Variants in SYDE2 observed in about 807,000 individuals in gnomAD.
The protein encoded by SYDE2 is synapse defective Rho GTPase homolog 2.
SYDE2 carries 76 observed loss-of-function variants against 91.5 expected under a neutral mutation model. That is an observed-to-expected ratio of 0.83 (90% CI 0.69 to 1.01). The LOEUF (loss-of-function observed/expected upper bound fraction) is 1.01, where lower values mean the gene tolerates loss of function less well. SYDE2 is among the 50% of genes least tolerant of loss of function. The probability of loss-of-function intolerance (pLI) is 0.00; values close to 1 mark genes in which losing one functional copy is unlikely to be tolerated. For missense variants in SYDE2, 1,364 were observed against 1,367.7 expected, an observed-to-expected ratio of 1.00 and a Z score of 0.04; for synonymous variants, 513 against 506.4, an observed-to-expected ratio of 1.01 and a Z score of -0.18.
chr1:85,172,010 TA>T (rs1453327397), intron 4 of SYDE2, among the ~76,000 whole-genome samples: 6 of 151,950 alleles, frequency 3.9e-5, no homozygotes, highest in African/African-American at 9.7e-5. Context: ...AAGGAGATAG[TA>T]AAAAAGGTTT....
chr1:85,165,090 C>T (rs573703362), intron 5 of SYDE2, among the ~76,000 whole-genome samples: 14 of 152,102 alleles, frequency 9.2e-5, no homozygotes, highest in South Asian at 6.2e-4. Context: ...AAAAATTAGC[C>T]GGGCATGATG....
In SYDE2 at chr1:85,190,467, T is replaced by A; in HGVS notation, c.1031A>T (p.Asn344Ile). 2 of 1,614,028 alleles carry A rather than the reference T, an allele frequency of 1.2e-6. No individual in the cohort carries two copies. Among genetic ancestry groups the A allele is most frequent in the Non-Finnish European group, 1.7e-6 (2 of 1,179,886 alleles). ...TTTCGATAATGAAGAGTTTGTAGCG[T>A]TACATACCACATATGTACAGTACTC... ...SKEYCTYVVC[N>I]ATNSSLSKNC... The change falls in exon 2 of 7, where the codon AAC becomes ATC. Residue 344 changes from asparagine (N) to isoleucine (I), a missense_variant. Physicochemically the swap from Asn to Ile is moderately radical, Grantham distance 149. Transcript: ENST00000341460.
intron 4 of SYDE2, among the ~76,000 whole-genome samples, chr1:85,172,934 G>A (rs61136219): frequency 0.22 from 32,715 of 152,086 alleles, 3,770 homozygotes; most frequent in South Asian, 0.25. Flanking sequence ...ACAGATTAGA[G>A]AGAACAATTC....
At chr1:85,172,472 C>T (rs1441615239) in intron 4 of SYDE2, among the ~76,000 whole-genome samples, 2 of 151,844 alleles carry the variant, frequency 1.3e-5, no homozygotes, top group African/African-American at 4.8e-5. Flanking sequence ...CAATCAGTAA[C>T]CCAGATACAG....
intron 3 of SYDE2, chr1:85,181,814 T>C: frequency 3.8e-6 from 1 of 260,330 alleles, no homozygotes; most frequent in Non-Finnish European, 7.3e-6. Context: ...GCTCTGACTT[T>C]TCCTTTTAAT....
intron 5 of SYDE2, among the ~76,000 whole-genome samples, chr1:85,167,394 A>G (rs1194371747): frequency 6.6e-6 from 1 of 152,248 alleles, no homozygotes; most frequent in African/African-American, 2.4e-5. Context: ...ATCTAAATAT[A>G]CAAAAGGGAA....
chr1:85,182,998 T>C lies in SYDE2; in HGVS notation c.1644A>G (p.Thr548=), dbSNP rs539799172. 2 of 1,613,100 alleles carry C rather than the reference T, an allele frequency of 1.2e-6. No individual in the cohort carries two copies. The highest frequency in any genetic ancestry group is 1.7e-5 in the Admixed American group (1 of 59,908). Reference sequence around the variant, plus strand: ...TATCTGGACTGTTTATATAATTCAATGTTCCCTTAACGCTTAGCTTTCGGC... The same window carrying C: ...TATCTGGACTGTTTATATAATTCAACGTTCCCTTAACGCTTAGCTTTCGGC... The part of the protein sequence containing the change: ...EFSRKLSVKG[T]LNYINSPDNT... Residue 548 remains threonine (T), a synonymous_variant, in exon 3 of 7, where the codon ACA becomes ACG. Coordinates refer to ENST00000341460, the MANE Select transcript of SYDE2 (RefSeq NM_032184.2).
intron 5 of SYDE2, among the ~76,000 whole-genome samples, chr1:85,165,438 A>G (rs1458878138): frequency 6.6e-6 from 1 of 152,204 alleles, no homozygotes; most frequent in East Asian, 1.9e-4. Flanking sequence ...TTAAGTACAG[A>G]TAAGTCCTGT....
In SYDE2 at chr1:85,196,782, A is replaced by C. The variant is rs142954628; in HGVS notation, c.745+3470T>G. 2.8e-4 allele frequency among the ~76,000 whole-genome samples: 42 copies of C among 152,338 alleles called. No homozygotes were observed. The East Asian group carries it at 7.7e-3, about 28-fold the overall frequency. On this transcript the variant is annotated intron_variant, in intron 1 of 6. Coordinates refer to ENST00000341460, the MANE Select transcript of SYDE2 (RefSeq NM_032184.2). ...ATTCATAAAGATTATGCAATTCATA[A>C]AGATAAAAAATCAGAGTTACAAATA...
At chr1:85,192,838 G>C (rs762531858) in intron 1 of SYDE2, among the ~76,000 whole-genome samples, 2 of 152,092 alleles carry the variant, frequency 1.3e-5, no homozygotes, top group Non-Finnish European at 2.9e-5. Context: ...CAAACCACAC[G>C]ATGCTACCCA....
chr1:85,191,812 T>G (rs1570273700), intron 1 of SYDE2, among the ~76,000 whole-genome samples: 1 of 151,568 alleles, frequency 6.6e-6, no homozygotes, highest in Non-Finnish European at 1.5e-5. Context: ...TGCTTAGATA[T>G]ATGCACATCT....
Position 85,200,808 on chromosome 1 carries a change from C to G in SYDE2, c.189G>C (p.Arg63=), listed in dbSNP as rs976350576. The change falls in exon 1 of 7, where the codon CGG becomes CGC. Residue 63 remains arginine (R), a synonymous_variant. Coordinates refer to ENST00000341460, the MANE Select transcript of SYDE2 (RefSeq NM_032184.2). ...CTCCCCGCGGCTCCCTCTGAGGCGACCGGGGCGGGGACACCTGCTGCCGAG... is the reference window on the plus strand; with the variant it reads ...CTCCCCGCGGCTCCCTCTGAGGCGAGCGGGGCGGGGACACCTGCTGCCGAG... The part of the protein sequence containing the change: ...GRPRQQVSPP[R]SPQREPRGGQ... 2.1e-6 allele frequency: 3 copies of G among 1,462,304 alleles called. No individual in the cohort carries two copies. The highest frequency in any genetic ancestry group is 1.8e-6 in the Non-Finnish European group (2 of 1,114,986). The allele number at this position is 1,462,304 out of a possible 1,614,324, so 90.6% of individuals were successfully genotyped here.
chr1:85,155,009 C>CAAAAAAAAAA, downstream of SYDE2, among the ~76,000 whole-genome samples: 5 of 80,654 alleles, frequency 6.2e-5, no homozygotes, highest in East Asian at 3.2e-4. Context: ...AAGAATGCAG[C>CAAAAAAAAAA]AAAAAAAAAA....
At chr1:85,179,932 T>C (rs564703111) in intron 3 of SYDE2, among the ~76,000 whole-genome samples, 13 of 144,936 alleles carry the variant, frequency 9.0e-5, no homozygotes, top group Non-Finnish European at 1.6e-4. Context: ...ATCACAAATA[T>C]AATTTTTTAA....
chr1:85,175,488 A>C (rs1657663118), intron 4 of SYDE2, among the ~76,000 whole-genome samples: 1 of 152,214 alleles, frequency 6.6e-6, no homozygotes, highest in Admixed American at 6.5e-5. Flanking sequence ...TTTCTCAAAA[A>C]GCAAACAAAC....
Position 85,200,924 on chromosome 1 carries a change from C to A in SYDE2, c.73G>T (p.Gly25Ter). ...GGCGGCTGGCCCGGAGCCCGGGCTCCCGCGGGGAAGCTGTGATCCGCCAAG... is the reference window on the plus strand; with the variant it reads ...GGCGGCTGGCCCGGAGCCCGGGCTCACGCGGGGAAGCTGTGATCCGCCAAG... ...RGLADHSFPA[G>*]ARAPGQPPSR... Residue 25 changes from glycine to a stop codon, truncating the protein, a stop_gained, in exon 1 of 7, where the codon GGA (glycine) becomes TGA (stop). Coordinates refer to ENST00000341460, the MANE Select transcript of SYDE2 (RefSeq NM_032184.2). LOFTEE classifies it high-confidence loss of function. 7.6e-7 allele frequency: 1 copy of A among 1,320,970 alleles called. No individual in the cohort carries two copies. Among genetic ancestry groups the A allele is most frequent in the Non-Finnish European group, 9.6e-7 (1 of 1,044,768 alleles). The allele number at this position is 1,320,970 out of a possible 1,614,324, so 81.8% of individuals were successfully genotyped here.
intron 6 of SYDE2, among the ~76,000 whole-genome samples, chr1:85,163,480 T>TATATA (rs1216698478): frequency 2.2e-5 from 3 of 134,650 alleles, no homozygotes; most frequent in African/African-American, 8.9e-5. Context: ...TATATATATA[T>TATATA]AACAAAAGAG....
In SYDE2 at chr1:85,158,815, T is replaced by C. The variant is rs1306784926; in HGVS notation, c.3520A>G (p.Ile1174Val). 4 of 772,416 alleles carry C rather than the reference T, an allele frequency of 5.2e-6. No individual in the cohort carries two copies. Among genetic ancestry groups the C allele is most frequent in the Admixed American group, 1.8e-5 (1 of 57,034 alleles). The allele number at this position is 772,416 out of a possible 1,614,324, so 47.8% of individuals were successfully genotyped here. ...TCCAGATTTCCAATCAAAGTATCAA[T>C]ACTTTCTTGTAGATCTTTGAGATTG... is the stretch of plus-strand genomic sequence containing the variant. ...KNNLKDLQES[I>V]DTLIGNLERE... Residue 1174 changes from isoleucine (I) to valine (V), a missense_variant, in exon 7 of 7, where the codon ATT becomes GTT. By Grantham distance (29) the Ile-to-Val change is conservative. Coordinates refer to ENST00000341460, the MANE Select transcript of SYDE2 (RefSeq NM_032184.2).
intron 4 of SYDE2, 116 bp from the exon 5 acceptor site, chr1:85,169,341 T>C (rs1056258568): frequency 1.5e-6 from 1 of 682,482 alleles, no homozygotes. Context: ...TTGAAAACAA[T>C]AAAGGCAACA....
Sources: gnomAD v4.1 joint callset for allele counts (sites outside exome capture counted in the v4.1 genomes callset) on GRCh38, gnomAD v4.1.1 for gene constraint, MANE v1.5 for transcripts, NCBI Gene and HGNC (gene_info 2026-07-23, HGNC 2026-07-21) for gene names.